The following PRKD1 variants were observed in gnomAD, a reference collection of about 807,000 sequenced individuals.
PRKD1 encodes serine/threonine-protein kinase D1.
A neutral mutation model predicts 95.9 loss-of-function variants in PRKD1; 63 were observed. That is an observed-to-expected ratio of 0.66 (90% CI 0.54 to 0.81). The LOEUF is 0.81. Among genes scored for constraint, PRKD1 ranks in the 30% least tolerant of loss-of-function variants. The probability of loss-of-function intolerance (pLI) is 0.00; values close to 1 mark genes in which losing one functional copy is unlikely to be tolerated. For missense variants in PRKD1, 1,048 were observed against 1,165.3 expected, an observed-to-expected ratio of 0.90 and a Z score of 1.47; for synonymous variants, 425 against 423.1, an observed-to-expected ratio of 1.00 and a Z score of -0.05.
intron 1 of PRKD1, among the ~76,000 whole-genome samples, chr14:29,843,712 T>C (rs750262277): frequency 1.4e-4 from 22 of 152,212 alleles, no homozygotes; most frequent in Non-Finnish European, 2.8e-4. Flanking sequence ...CATTCCTACC[T>C]ACAATGGAGT....
chr14:29,784,759 A>G (rs182063148), intron 1 of PRKD1, among the ~76,000 whole-genome samples: 107 of 152,336 alleles, frequency 7.0e-4, no homozygotes, highest in African/African-American at 2.5e-3. Context: ...CTACGGCTAC[A>G]AGAAAAAACA....
chr14:29,878,080 T>A (rs528654095), intron 1 of PRKD1, among the ~76,000 whole-genome samples: 8 of 152,140 alleles, frequency 5.3e-5, no homozygotes, highest in African/African-American at 1.9e-4. Flanking sequence ...TTCTCACTTA[T>A]AAGTGGGAGC....
intron 1 of PRKD1, among the ~76,000 whole-genome samples, chr14:29,776,191 G>A (rs1432004477): frequency 2.0e-5 from 3 of 152,174 alleles, no homozygotes; most frequent in African/African-American, 7.2e-5. Context: ...CACAAAGATG[G>A]GGATAAACCA....
chr14:29,673,719 T>C lies in PRKD1; in HGVS notation c.404-7511A>G, dbSNP rs564385678. Reference sequence around the variant, plus strand: ...CTACATTTTATTGAAGTCCTAATAATCTGTAAATAAAGTATTTCAAGTTCA... The same window carrying C: ...CTACATTTTATTGAAGTCCTAATAACCTGTAAATAAAGTATTTCAAGTTCA... On this transcript the variant is annotated intron_variant, in intron 2 of 17. Transcript: ENST00000331968. Among the ~76,000 whole-genome samples, 3 of 152,342 alleles carry C rather than the reference T, an allele frequency of 2.0e-5. No homozygotes were observed. In the East Asian group the frequency reaches 5.8e-4, roughly 29 times the overall value.
At chr14:29,848,556 C>A in intron 1 of PRKD1, among the ~76,000 whole-genome samples, 1 of 148,590 alleles carries the variant, frequency 6.7e-6, no homozygotes, top group Non-Finnish European at 1.5e-5. Flanking sequence ...CAGCCTACAA[C>A]AATTTTAAAA....
intron 2 of PRKD1, among the ~76,000 whole-genome samples, chr14:29,678,007 G>T (rs1883332212): frequency 6.6e-6 from 1 of 152,142 alleles, no homozygotes. Context: ...ACTAGAAGTT[G>T]ATGTTGAATT....
intron 4 of PRKD1, among the ~76,000 whole-genome samples, chr14:29,654,082 A>T (rs1311269351): frequency 2.0e-5 from 3 of 149,248 alleles, no homozygotes; most frequent in Admixed American, 1.3e-4. Context: ...TTGAATAACT[A>T]TTTTTTTTTT....
chr14:29,611,033 G>A (rs1346244715), intron 13 of PRKD1, among the ~76,000 whole-genome samples: 1 of 152,218 alleles, frequency 6.6e-6, no homozygotes, highest in East Asian at 1.9e-4. Flanking sequence ...GGATTTTTAA[G>A]GCAAGGAAAA....
At chr14:29,653,965 A>T (rs1231253951) in intron 4 of PRKD1, among the ~76,000 whole-genome samples, 1 of 152,176 alleles carries the variant, frequency 6.6e-6, no homozygotes, top group African/African-American at 2.4e-5. Context: ...GCAGGGAGGA[A>T]AAGCCTTTTA....
At chr14:29,589,765 T>C (rs1184706115) in intron 16 of PRKD1, among the ~76,000 whole-genome samples, 2 of 152,114 alleles carry the variant, frequency 1.3e-5, no homozygotes, top group Non-Finnish European at 2.9e-5. Context: ...TTTATGAAAG[T>C]TATTGCATGC....
At chr14:29,856,486 A>AG (rs1268505372) in intron 1 of PRKD1, among the ~76,000 whole-genome samples, 38 of 152,332 alleles carry the variant, frequency 2.5e-4, no homozygotes, top group African/African-American at 8.7e-4. Context: ...GTAAACAATC[A>AG]ATGAAAGTGT....
At chr14:29,721,031 C>T (rs948450037) in intron 2 of PRKD1, among the ~76,000 whole-genome samples, 3 of 152,120 alleles carry the variant, frequency 2.0e-5, no homozygotes, top group African/African-American at 4.8e-5. Flanking sequence ...TTGATTTTTT[C>T]ATTCCTCCTT....
In PRKD1 at chr14:29,714,763, G is replaced by A. The variant is rs370349017; in HGVS notation, c.403+10773C>T. On this transcript the variant is annotated intron_variant, in intron 2 of 17. Coordinates refer to ENST00000331968, the MANE Select transcript of PRKD1 (RefSeq NM_002742.3). ...GAAAATGTGGCACATATACATCATG[G>A]AATACCATGCAGCCATAAAAAAGGA... 1.6e-4 allele frequency among the ~76,000 whole-genome samples: 25 copies of A among 152,296 alleles called. No individual in the cohort carries two copies. In the South Asian group the frequency reaches 4.6e-3, roughly 28 times the overall value.
Position 29,630,851 on chromosome 14 carries a change from G to A in PRKD1, c.1563C>T (p.Thr521=). Residue 521 remains threonine, a synonymous_variant, in exon 10 of 18, where the codon ACC becomes ACT. Coordinates refer to ENST00000331968, the MANE Select transcript of PRKD1 (RefSeq NM_002742.3). ...SSPSPNNSVL[T]SGVGADVARM... is the part of the protein sequence containing the mutation. ...TGGCCACATCTGCACCAACGCCACTGGTGAGAACACTGTTATTTGGTGATG... is the reference window on the plus strand; with the variant it reads ...TGGCCACATCTGCACCAACGCCACTAGTGAGAACACTGTTATTTGGTGATG... 6.2e-7 allele frequency: 1 copy of A among 1,614,104 alleles called. No homozygotes were observed. Among genetic ancestry groups the A allele is most frequent in the East Asian group, 2.2e-5 (1 of 44,872 alleles).
intron 1 of PRKD1, among the ~76,000 whole-genome samples, chr14:29,832,744 A>T (rs1891463055): frequency 6.6e-6 from 1 of 152,074 alleles, no homozygotes; most frequent in Non-Finnish European, 1.5e-5. Flanking sequence ...CTTTAAGTGG[A>T]ACTATCCTTT....
intron 1 of PRKD1, among the ~76,000 whole-genome samples, chr14:29,849,070 C>T (rs1440235992): frequency 1.3e-5 from 2 of 152,200 alleles, no homozygotes; most frequent in African/African-American, 4.8e-5. Flanking sequence ...TGTGTCCCCA[C>T]CAAAATCTCA....
chr14:29,800,975 C>T (rs1890003792), intron 1 of PRKD1, among the ~76,000 whole-genome samples: 2 of 152,012 alleles, frequency 1.3e-5, no homozygotes, highest in South Asian at 2.1e-4. Flanking sequence ...TAAAGTAATG[C>T]AATAAAAATG....
rs146638588 is a variant in PRKD1, at chr14:29,783,636, T to C, written c.265-57962A>G. Reference sequence around the variant, plus strand: ...CATCAATAGTGTACAAGAGTTCCCTTTTCTCCATTTCCTTGCCAGCACGCT... The same window carrying C: ...CATCAATAGTGTACAAGAGTTCCCTCTTCTCCATTTCCTTGCCAGCACGCT... On this transcript the variant is annotated intron_variant, in intron 1 of 17. Transcript: ENST00000331968. 7.3e-3 allele frequency among the ~76,000 whole-genome samples: 1,115 copies of C among 152,290 alleles called. 12 individuals carry two copies. The highest frequency in any genetic ancestry group is 0.025 in the African/African-American group (1,041 of 41,560).
At chr14:29,623,688 A>G (rs920599258) in intron 13 of PRKD1, among the ~76,000 whole-genome samples, 2 of 152,206 alleles carry the variant, frequency 1.3e-5, no homozygotes, top group East Asian at 1.9e-4. Flanking sequence ...CCCGATGTCA[A>G]ATGAAAGGCT....
Sources: allele counts gnomAD v4.1 joint callset (sites outside exome capture counted in the v4.1 genomes callset), GRCh38; gene constraint gnomAD v4.1.1; transcripts MANE v1.5; gene names NCBI Gene and HGNC (gene_info 2026-07-23, HGNC 2026-07-21).